The following TSPAN9 variants were observed in gnomAD, a reference collection of about 807,000 sequenced individuals.
TSPAN9 encodes the protein tetraspanin-9.
TSPAN9 carries 16 observed loss-of-function variants against 31.0 expected under a neutral mutation model. The observed-to-expected ratio is 0.52, with a 90% confidence interval of 0.35 to 0.78. The LOEUF (loss-of-function observed/expected upper bound fraction) is 0.78. Among genes scored for constraint, TSPAN9 ranks in the 30% least tolerant of loss-of-function variants. The pLI is 0.01. For missense variants in TSPAN9, 272 were observed against 312.5 expected, an observed-to-expected ratio of 0.87 and a Z score of 0.98; for synonymous variants, 145 against 121.6, an observed-to-expected ratio of 1.19 and a Z score of -1.27.
chr12:3,136,928 C>G (rs1296579963), intron 2 of TSPAN9, among the ~76,000 whole-genome samples: 2 of 152,206 alleles, frequency 1.3e-5, no homozygotes, highest in African/African-American at 4.8e-5. Context: ...CAGGTGGTCC[C>G]AGCTGCCAGA....
intron 1 of TSPAN9, among the ~76,000 whole-genome samples, chr12:3,082,936 A>G (rs2098298647): frequency 6.6e-6 from 1 of 152,184 alleles, no homozygotes; most frequent in Non-Finnish European, 1.5e-5. Context: ...ACCCCTCACG[A>G]TCTCAAGAAA....
intron 3 of TSPAN9, among the ~76,000 whole-genome samples, chr12:3,248,908 C>T (rs1050089517): frequency 6.6e-6 from 1 of 152,222 alleles, no homozygotes; most frequent in Non-Finnish European, 1.5e-5. Context: ...GCCCAGCTCC[C>T]AGGCTGGAAA....
intron 3 of TSPAN9, among the ~76,000 whole-genome samples, chr12:3,272,750 T>C (rs957620593): frequency 1.3e-5 from 2 of 152,092 alleles, no homozygotes; most frequent in Non-Finnish European, 2.9e-5. Context: ...AGCATGGAAG[T>C]GGGTGGAGAA....
At chr12:3,163,961 G>T (rs2098346910) in intron 2 of TSPAN9, among the ~76,000 whole-genome samples, 2 of 152,262 alleles carry the variant, frequency 1.3e-5, no homozygotes, top group Non-Finnish European at 2.9e-5. Context: ...TCTCCTCTTT[G>T]CAGGGAGGAG....
chr12:3,152,956 C>A (rs747793313), intron 2 of TSPAN9, among the ~76,000 whole-genome samples: 1 of 152,230 alleles, frequency 6.6e-6, no homozygotes, highest in Non-Finnish European at 1.5e-5. Context: ...AATGACAGAG[C>A]AGCAGAGGCG....
In TSPAN9 at chr12:3,131,330, A is replaced by C. The variant is rs2058245; in HGVS notation, c.-18+47611A>C. Among the ~76,000 whole-genome samples the C allele has an allele frequency of 3.9e-4, 60 of 152,008 alleles. 1 individual carries two copies. The East Asian group carries it at 0.011, about 28-fold the overall frequency. On this transcript the variant is annotated intron_variant, in intron 2 of 8. Transcript: ENST00000011898. ...CAGTGGGACTTGGTTGAGCCTGGAC[A>C]TGCCGAAGCTGCGGCCCACGTTCTC...
chr12:3,112,212 T>C (rs2098319248), intron 2 of TSPAN9, among the ~76,000 whole-genome samples: 1 of 150,952 alleles, frequency 6.6e-6, no homozygotes, highest in African/African-American at 2.4e-5. Flanking sequence ...AGTTTCACTC[T>C]TGTTGCCCAG....
At chr12:3,089,124 C>A (rs547606080) in intron 2 of TSPAN9, among the ~76,000 whole-genome samples, 1 of 149,986 alleles carries the variant, frequency 6.7e-6, no homozygotes, top group African/African-American at 2.4e-5. Flanking sequence ...CCCAGCCACT[C>A]GGGAGGCTGA....
intron 2 of TSPAN9, among the ~76,000 whole-genome samples, chr12:3,182,600 A>G (rs10744597): frequency 0.85 from 128,995 of 152,064 alleles, 54,898 homozygotes; most frequent in African/African-American, 0.92. Flanking sequence ...TGCTAAAGGT[A>G]ACTCAGCAGG....
chr12:3,117,428 A>T (rs1346460612), intron 2 of TSPAN9, among the ~76,000 whole-genome samples: 2 of 152,042 alleles, frequency 1.3e-5, no homozygotes, highest in East Asian at 3.9e-4. Flanking sequence ...AAGTGGTGGG[A>T]CTATTTGCCC....
intron 1 of TSPAN9, 62 bp downstream of exon 1, chr12:3,077,515 C>G (rs1189502126): frequency 1.3e-5 from 2 of 152,432 alleles, no homozygotes; most frequent in East Asian, 3.9e-4. Flanking sequence ...AGTCGCGCGG[C>G]CTTGAGCCGG....
chr12:3,227,869 G>A (rs951251496), intron 3 of TSPAN9, among the ~76,000 whole-genome samples: 11 of 152,306 alleles, frequency 7.2e-5, no homozygotes, highest in African/African-American at 2.4e-4. Context: ...TTTGACTTCT[G>A]CCGAGGTTAT....
rs60177044 is a variant in TSPAN9 at position 3,283,459 on chromosome 12, A to G, written c.*343A>G. The stretch of plus-strand genomic sequence containing the variant: ...CCTCACACTGACACTTTGTCCCCAC[A>G]TGGGGTGGGGAGCAGAGTGCCCGCC... On this transcript the variant is annotated 3_prime_UTR_variant, in exon 9 of 9. Coordinates refer to ENST00000011898, the MANE Select transcript of TSPAN9 (RefSeq NM_006675.5). 0.061 allele frequency: 12,457 copies of G among 204,830 alleles called. 1,144 individuals carry two copies. The highest frequency in any genetic ancestry group is 0.37 in the East Asian group (2,838 of 7,736). 12.7% of individuals were successfully genotyped at this position (204,830 alleles called of 1,614,324 possible).
Position 3,111,082 on chromosome 12 carries a change from G to A in TSPAN9, c.-18+27363G>A, listed in dbSNP as rs367648745. Among the ~76,000 whole-genome samples the A allele has an allele frequency of 9.2e-5, 14 of 152,298 alleles. No individual in the cohort carries two copies. In the East Asian group the frequency reaches 1.9e-3, roughly 21 times the overall value. On this transcript the variant is annotated intron_variant, in intron 2 of 8. Coordinates refer to ENST00000011898, the MANE Select transcript of TSPAN9 (RefSeq NM_006675.5). ...TGCATCGAAGGTTTCATCCAGGTGC[G>A]AGTGCTGGGATGTTGCTGTTGTCCT...
chr12:3,204,763 A>G (rs2098374065), intron 3 of TSPAN9, among the ~76,000 whole-genome samples: 1 of 152,156 alleles, frequency 6.6e-6, no homozygotes, highest in Non-Finnish European at 1.5e-5. Context: ...GGAGATTTGA[A>G]TTGGGACAAA....
intron 2 of TSPAN9, among the ~76,000 whole-genome samples, chr12:3,136,128 A>G (rs2098332022): frequency 6.6e-6 from 1 of 152,214 alleles, no homozygotes; most frequent in South Asian, 2.1e-4. Context: ...GAGCAAGGGC[A>G]TGCTGCACAT....
chr12:3,263,564 T>C (rs763025355), intron 3 of TSPAN9, among the ~76,000 whole-genome samples: 1 of 152,156 alleles, frequency 6.6e-6, no homozygotes, highest in Non-Finnish European at 1.5e-5. Flanking sequence ...GCTGAAAACT[T>C]CTTTGCTTCA....
At chr12:3,080,059 G>A (rs916057250) in intron 1 of TSPAN9, among the ~76,000 whole-genome samples, 11 of 151,948 alleles carry the variant, frequency 7.2e-5, no homozygotes, top group East Asian at 5.8e-4. Flanking sequence ...AAAGTGTTGG[G>A]ATTACAGGCG....
intron 3 of TSPAN9, among the ~76,000 whole-genome samples, chr12:3,256,927 C>T (rs1296325185): frequency 6.6e-6 from 1 of 152,136 alleles, no homozygotes; most frequent in African/African-American, 2.4e-5. Context: ...TCAGCTTCTT[C>T]GCCCTGGGGA....
Sources: gnomAD v4.1 joint callset for allele counts (sites outside exome capture counted in the v4.1 genomes callset) on GRCh38, gnomAD v4.1.1 for gene constraint, MANE v1.5 for transcripts, NCBI Gene and HGNC (gene_info 2026-07-23, HGNC 2026-07-21) for gene names.